The following FHIT variants were observed in gnomAD, a reference collection of about 807,000 sequenced individuals.
The protein encoded by FHIT is fragile histidine triad diadenosine triphosphatase, also known as bis(5'-adenosyl)-triphosphatase.
FHIT carries 19 observed loss-of-function variants against 17.9 expected under a neutral mutation model. The ratio of observed to expected loss-of-function variants is 1.06; its 90% CI spans 0.74 to 1.56. FHIT has a LOEUF of 1.56. Among genes scored for constraint, FHIT ranks in the 40% most tolerant of loss-of-function variants. The pLI is 0.00. For synonymous variants in FHIT, 81 were observed against 69.7 expected (o/e 1.16, Z -0.81); for missense variants, 248 against 189.2 (o/e 1.31, Z -1.82).
chr3:59,943,575 G>T (rs919249223), intron 7 of FHIT, among the ~76,000 whole-genome samples: 1 of 152,000 alleles, frequency 6.6e-6, no homozygotes, highest in Non-Finnish European at 1.5e-5. Context: ...TAATTACAGG[G>T]GCTACCTTAC....
chr3:60,591,366 A>G (rs2038078020), intron 4 of FHIT, among the ~76,000 whole-genome samples: 1 of 148,952 alleles, frequency 6.7e-6, no homozygotes, highest in African/African-American at 2.5e-5. Flanking sequence ...AGATAGTCTT[A>G]GAGAAAGATG....
intron 5 of FHIT, among the ~76,000 whole-genome samples, chr3:60,465,993 C>CA (rs1230299002): frequency 6.6e-6 from 1 of 152,000 alleles, no homozygotes; most frequent in Admixed American, 6.6e-5. Flanking sequence ...GGCATTTTAA[C>CA]AGTATTGATT....
At chr3:60,775,656 G>A (rs184406387) in intron 4 of FHIT, among the ~76,000 whole-genome samples, 44 of 152,296 alleles carry the variant, frequency 2.9e-4, no homozygotes, top group African/African-American at 8.2e-4. Context: ...TCGAGAAGGG[G>A]TAAGTGAGAT....
chr3:59,950,918 G>C (rs1006569122), intron 7 of FHIT, among the ~76,000 whole-genome samples: 1 of 152,144 alleles, frequency 6.6e-6, no homozygotes, highest in African/African-American at 2.4e-5. Flanking sequence ...AATAGTATTA[G>C]GATGAACCAC....
At chr3:60,728,585 G>A (rs1013697825) in intron 4 of FHIT, among the ~76,000 whole-genome samples, 7 of 151,388 alleles carry the variant, frequency 4.6e-5, no homozygotes, top group Admixed American at 1.3e-4. Context: ...TTTGTTTTGC[G>A]TCGTTTTTTT....
Position 59,749,290 on chromosome 3 carries a change from C to T in FHIT, c.*295G>A. 8.7e-6 allele frequency: 2 copies of T among 230,880 alleles called. No individual in the cohort carries two copies. The highest frequency in any genetic ancestry group is 1.7e-5 in the Non-Finnish European group (2 of 116,792). 14.3% of individuals were successfully genotyped at this position (230,880 alleles called of 1,614,324 possible). ...GTTTGTTGCCTAATTCATGGCAAGT[C>T]AATACACCGAGACACAGGGTTGCAG... is the stretch of plus-strand genomic sequence containing the variant. On this transcript the variant is annotated 3_prime_UTR_variant, in exon 10 of 10. Coordinates refer to ENST00000492590, the MANE Select transcript of FHIT (RefSeq NM_002012.4).
At position 60,012,266 on chromosome 3, in the gene FHIT, G is replaced by GTTTTTTTTTTTTTT. The variant is rs769497004; in HGVS notation, c.250-880_250-867dup. ...ATGTAAATCAGGTGTTTTTTTTGTT[G>GTTTTTTTTTTTTTT]TTTTTTTTTTTTTTTTTTTTGAGAA... On this transcript the variant is annotated intron_variant, in intron 6 of 9. Transcript: ENST00000492590. 8.9e-5 allele frequency among the ~76,000 whole-genome samples: 10 copies of GTTTTTTTTTTTTTT among 112,466 alleles called. 2 individuals carry two copies. In the East Asian group the frequency reaches 1.1e-3, roughly 12 times the overall value. 73.8% of individuals were successfully genotyped at this position (112,466 alleles called of 152,430 possible).
At chr3:61,202,461 TG>T (rs2106687876) in intron 1 of FHIT, among the ~76,000 whole-genome samples, 1 of 120,490 alleles carries the variant, frequency 8.3e-6, no homozygotes, top group African/African-American at 3.0e-5. Context: ...TGATCTTTTC[TG>T]TTCTTCCCCA....
chr3:60,987,199 C>T (rs568377342), intron 3 of FHIT, among the ~76,000 whole-genome samples: 1 of 152,160 alleles, frequency 6.6e-6, no homozygotes, highest in Non-Finnish European at 1.5e-5. Context: ...TAAGCAAGAG[C>T]ATAAAGCTAA....
At chr3:59,871,550 A>G (rs1702925919) in intron 8 of FHIT, among the ~76,000 whole-genome samples, 1 of 151,370 alleles carries the variant, frequency 6.6e-6, no homozygotes, top group Admixed American at 6.6e-5. Flanking sequence ...CTAAGCTCAC[A>G]TAATAAGTTT....
chr3:61,126,821 G>A (rs2036621162), intron 2 of FHIT, among the ~76,000 whole-genome samples: 1 of 152,136 alleles, frequency 6.6e-6, no homozygotes, highest in Non-Finnish European at 1.5e-5. Context: ...AATGGTGTGG[G>A]CCTCATGGAA....
intron 5 of FHIT, among the ~76,000 whole-genome samples, chr3:60,305,854 T>C (rs1414729663): frequency 1.3e-5 from 2 of 152,156 alleles, no homozygotes; most frequent in Non-Finnish European, 2.9e-5. Flanking sequence ...TTTAATGGTT[T>C]GGTGATAACG....
rs562726816 is a variant in FHIT at position 60,226,390 on chromosome 3, T to C, written c.104-212238A>G. On this transcript the variant is annotated intron_variant, in intron 5 of 9. Coordinates refer to ENST00000492590, the MANE Select transcript of FHIT (RefSeq NM_002012.4). ...GGGAGGCTGAGGCAGGAGAACCGCTTGAACCCGGGAGGCGGAGGTTGCGGT... is the reference window on the plus strand; with the variant it reads ...GGGAGGCTGAGGCAGGAGAACCGCTCGAACCCGGGAGGCGGAGGTTGCGGT... 1.7e-3 allele frequency among the ~76,000 whole-genome samples: 251 copies of C among 145,310 alleles called. 2 individuals carry two copies. Among genetic ancestry groups the C allele is most frequent in the African/African-American group, 5.7e-3 (219 of 38,754 alleles).
At chr3:60,275,991 AT>A (rs11457779) in intron 5 of FHIT, among the ~76,000 whole-genome samples, 8,734 of 147,872 alleles carry the variant, frequency 0.059, 360 homozygotes, top group South Asian at 0.1. Flanking sequence ...TGTTTTTGCA[AT>A]TTTTTTTTTT....
chr3:60,439,254 G>C (rs965798830), intron 5 of FHIT, among the ~76,000 whole-genome samples: 25 of 152,074 alleles, frequency 1.6e-4, no homozygotes, highest in African/African-American at 5.8e-4. Flanking sequence ...AGGAGGTCTA[G>C]AACCAAGAAT....
chr3:60,383,658 G>GA (rs35292125), intron 5 of FHIT, among the ~76,000 whole-genome samples: 40,031 of 147,796 alleles, frequency 0.27, 6,451 homozygotes, highest in Non-Finnish European at 0.37. Flanking sequence ...ATGAGCTACT[G>GA]AAAAAAAAAA....
chr3:60,915,138 G>A (rs1706937740), intron 3 of FHIT, among the ~76,000 whole-genome samples: 1 of 152,130 alleles, frequency 6.6e-6, no homozygotes, highest in Admixed American at 6.5e-5. Context: ...TTTTTTAGGA[G>A]TGTATTTTTC....
chr3:61,038,106 G>T (rs1203213959), intron 3 of FHIT, among the ~76,000 whole-genome samples: 1 of 152,128 alleles, frequency 6.6e-6, no homozygotes, highest in African/African-American at 2.4e-5. Flanking sequence ...ATCAATTGAA[G>T]AAACAATCAC....
intron 5 of FHIT, among the ~76,000 whole-genome samples, chr3:60,312,726 C>G (rs1709001877): frequency 6.6e-6 from 1 of 152,152 alleles, no homozygotes; most frequent in Non-Finnish European, 1.5e-5. Context: ...GGAGGACCTA[C>G]TTTATTTTTA....
Sources: allele counts gnomAD v4.1 joint callset (sites outside exome capture counted in the v4.1 genomes callset), GRCh38; gene constraint gnomAD v4.1.1; transcripts MANE v1.5; gene names NCBI Gene and HGNC (gene_info 2026-07-23, HGNC 2026-07-21).